FER1L5: variants seen among roughly 807,000 people sequenced by gnomAD.
The protein encoded by FER1L5 is fer-1-like protein 5.
In FER1L5, 187 loss-of-function variants were observed where a neutral mutation model predicts 279.9. That is an observed-to-expected ratio of 0.67 (90% CI 0.59 to 0.75). The LOEUF is 0.75. FER1L5 is among the 30% of genes least tolerant of loss of function. The pLI is 0.00. For synonymous variants in FER1L5, 921 were observed against 989.7 expected (o/e 0.93, Z 1.30); for missense variants, 2,091 against 2,594.4 (o/e 0.81, Z 4.21).
Position 96,704,776 on chromosome 2 carries a change from G to T in FER1L5, c.*84G>T. On this transcript the variant is annotated 3_prime_UTR_variant, in exon 53 of 53. Transcript: ENST00000624922. ...ACCAGTTCTTTGTTTCTATCTTCTA[G>T]AATATATGCAAGATGCTAGGAATAT... 1 of 1,025,256 alleles carries T rather than the reference G, an allele frequency of 9.8e-7. No homozygotes were observed. 63.5% of individuals were successfully genotyped at this position (1,025,256 alleles called of 1,614,324 possible).
At chr2:96,699,898 A>T in intron 43 of FER1L5, 34 bp from the exon 44 acceptor site, 1 of 1,609,858 alleles carries the variant, frequency 6.2e-7, no homozygotes, top group African/African-American at 1.3e-5. Context: ...CAGGACCCAA[A>T]CCTCCAGACC....
chr2:96,670,010 G>C (rs901648991), intron 17 of FER1L5, 109 bp from the exon 18 acceptor site: 2 of 1,425,616 alleles, frequency 1.4e-6, no homozygotes, highest in Admixed American at 2.1e-5. Context: ...AGTAAGCCCC[G>C]GGCAGGCAGT....
rs1191956097 is a variant in FER1L5, at chr2:96,694,220, C to T, written c.3637-140C>T. 1.4e-5 allele frequency: 18 copies of T among 1,322,822 alleles called. No individual in the cohort carries two copies. Among genetic ancestry groups the T allele is most frequent in the Non-Finnish European group, 1.7e-5 (17 of 989,880 alleles). The allele number at this position is 1,322,822 out of a possible 1,614,324, so 81.9% of individuals were successfully genotyped here. ...GTGGGCTTGGTGACGCTGGCCTGAC[C>T]AGCCTCTCCCCTAAGTCCCCCTGCC... On this transcript the variant is annotated intron_variant, in intron 33 of 52. Transcript: ENST00000624922. The surrounding 1 kb of genome is among the most constrained non-coding windows in gnomAD (Gnocchi z 4.6).
chr2:96,695,425 C>T, intron 34 of FER1L5, 84 bp from the exon 35 acceptor site: 1 of 1,473,548 alleles, frequency 6.8e-7, no homozygotes, highest in South Asian at 1.3e-5. Context: ...ACCGCTATTG[C>T]CCCTCAGCCC....
chr2:96,669,094 A>C lies in FER1L5; in HGVS notation c.1319A>C (p.His440Pro), dbSNP rs770994737. Residue 440 changes from histidine to proline, a missense_variant, in exon 17 of 53, where the codon CAT becomes CCT. By Grantham distance (77) the His-to-Pro change is moderately conservative. Coordinates refer to ENST00000624922, the MANE Select transcript of FER1L5 (RefSeq NM_001293083.2). ...PCFGPSFLTL[H>P]GGKKAPFRIQ... is the part of the protein sequence containing the mutation. ...TTTGGCCCCAGCTTCCTGACTCTGC[A>C]TGGGGGTAAAAAGGCCCCTTTCAGG... is the stretch of plus-strand genomic sequence containing the variant. 6.4e-7 allele frequency: 1 copy of C among 1,551,420 alleles called. No individual in the cohort carries two copies. The highest frequency in any genetic ancestry group is 8.7e-7 in the Non-Finnish European group (1 of 1,146,970).
intron 32 of FER1L5, 111 bp downstream of exon 32, chr2:96,693,798 C>T: frequency 6.8e-7 from 1 of 1,471,216 alleles, no homozygotes; most frequent in South Asian, 1.4e-5. Context: ...GCCTGACGTG[C>T]AGACAGCACC....
chr2:96,642,938 G>C lies in FER1L5; in HGVS notation c.85+17G>C, dbSNP rs893128103. 13 of 1,546,956 alleles carry C rather than the reference G, an allele frequency of 8.4e-6. No homozygotes were observed. The African/African-American group carries it at 1.6e-4, about 20-fold the overall frequency. On this transcript the variant is annotated intron_variant, in intron 1 of 52. Coordinates refer to ENST00000624922, the MANE Select transcript of FER1L5 (RefSeq NM_001293083.2). ...ACTTCAGAGGTGAGAGCCTCCCTGG[G>C]TCCACATGGGAGAGAGAAGCCCCCA...
Position 96,665,974 on chromosome 2 carries a change from T to A in FER1L5, c.1140+2467T>A, listed in dbSNP as rs950381847. On this transcript the variant is annotated intron_variant, in intron 14 of 52. Transcript: ENST00000624922. ...GAGGCCTTCCAACATTTGAAGATGT[T>A]CAAACACCCCTGGAACCTCATCCAT... Among the ~76,000 whole-genome samples, 5 of 152,036 alleles carry A rather than the reference T, an allele frequency of 3.3e-5. No homozygotes were observed. In the South Asian group the frequency reaches 6.2e-4, roughly 19 times the overall value.
chr2:96,651,271 C>CTTTA (rs1201952416), intron 6 of FER1L5, among the ~76,000 whole-genome samples: 3 of 150,156 alleles, frequency 2.0e-5, no homozygotes, highest in Non-Finnish European at 4.4e-5. Flanking sequence ...TTCTTTCTTT[C>CTTTA]TTTCTTTCTT....
At chr2:96,692,516 G>A (rs2077192842) in intron 31 of FER1L5, among the ~76,000 whole-genome samples, 1 of 152,232 alleles carries the variant, frequency 6.6e-6, no homozygotes, top group Non-Finnish European at 1.5e-5. Context: ...AGTGGGAGCT[G>A]AGAGGGCTCC....
Position 96,669,091 on chromosome 2 carries a change from T to C in FER1L5, c.1316T>C (p.Leu439Pro). 1 of 1,551,680 alleles carries C rather than the reference T, an allele frequency of 6.4e-7. No homozygotes were observed. ...LPCFGPSFLTLHGGKKAPFRI... is the reference protein window; with the variant it reads ...LPCFGPSFLTPHGGKKAPFRI... ...TGCTTTGGCCCCAGCTTCCTGACTC[T>C]GCATGGGGGTAAAAAGGCCCCTTTC... is the stretch of plus-strand genomic sequence containing the variant. Residue 439 changes from leucine to proline, a missense_variant, in exon 17 of 53, where the codon CTG (leucine) becomes CCG (proline). Leu to Pro is a moderately conservative substitution (Grantham distance 98). Coordinates refer to ENST00000624922, the MANE Select transcript of FER1L5 (RefSeq NM_001293083.2).
chr2:96,643,038 G>A (rs2074952818), intron 1 of FER1L5, 117 bp downstream of exon 1: 1 of 817,506 alleles, frequency 1.2e-6, no homozygotes, highest in Admixed American at 3.4e-5. Flanking sequence ...GTAACACAAA[G>A]TGAAGTAGAC....
At position 96,689,138 on chromosome 2, in the gene FER1L5, G is replaced by C; in HGVS notation, c.2362-75G>C. On this transcript the variant is annotated intron_variant, in intron 24 of 52. Transcript: ENST00000624922. This position sits in a 1 kb window ranked among gnomAD's most constrained non-coding sequence, Gnocchi z 4.6. ...GATGCCCCTGCAGCCCAGAGTCAGG[G>C]GGCCCAGGGGAGGCCCATGTCCCCG... is the stretch of plus-strand genomic sequence containing the variant. The C allele has an allele frequency of 6.8e-7, 1 of 1,474,426 alleles. No homozygotes were observed. The highest frequency in any genetic ancestry group is 1.4e-5 in the South Asian group (1 of 72,884). 91.3% of individuals were successfully genotyped at this position (1,474,426 alleles called of 1,614,324 possible).
At chr2:96,678,962 G>T (rs2076612591) in intron 19 of FER1L5, among the ~76,000 whole-genome samples, 1 of 152,004 alleles carries the variant, frequency 6.6e-6, no homozygotes, top group South Asian at 2.1e-4. Context: ...TTTTTAATTT[G>T]ATAAAATCCA....
chr2:96,686,267 C>T lies in FER1L5; in HGVS notation c.2146C>T (p.Pro716Ser), dbSNP rs927273142. The T allele has an allele frequency of 6.4e-7, 1 of 1,551,520 alleles. No homozygotes were observed. The highest frequency in any genetic ancestry group is 1.4e-5 in the African/African-American group (1 of 73,064). ...GCAGCGAGTGGCCTATGCACAGGTG[C>T]CTGCCCACTCCGTCCTCTTCTCCCC... ...KEQRVAYAQV[P>S]AHSVLFSPAG... The change falls in exon 23 of 53, where the codon CCT (proline) becomes TCT (serine). Residue 716 changes from proline (P) to serine (S), a missense_variant. Physicochemically the swap from Pro to Ser is moderately conservative, Grantham distance 74. Transcript: ENST00000624922.
At chr2:96,647,975 C>A in intron 4 of FER1L5, 89 bp downstream of exon 4, 1 of 1,073,556 alleles carries the variant, frequency 9.3e-7, no homozygotes, top group Non-Finnish European at 1.4e-6. Flanking sequence ...GTGCTTCCTG[C>A]TTGGGGGGCC....
Position 96,689,793 on chromosome 2 carries a change from C to A in FER1L5, c.2640+35C>A. On this transcript the variant is annotated intron_variant, in intron 26 of 52. Coordinates refer to ENST00000624922, the MANE Select transcript of FER1L5 (RefSeq NM_001293083.2). This position sits in a 1 kb window ranked among gnomAD's most constrained non-coding sequence, Gnocchi z 4.6. ...GCCGAAGCTGCCTCGGGTTAGGGGGCAAGCAAGGCCACCAGGCGGGGCGCC... is the reference window on the plus strand; with the variant it reads ...GCCGAAGCTGCCTCGGGTTAGGGGGAAAGCAAGGCCACCAGGCGGGGCGCC... 1 of 1,492,030 alleles carries A rather than the reference C, an allele frequency of 6.7e-7. No individual in the cohort carries two copies. Among genetic ancestry groups the A allele is most frequent in the Non-Finnish European group, 9.0e-7 (1 of 1,110,842 alleles). The allele number at this position is 1,492,030 out of a possible 1,614,324, so 92.4% of individuals were successfully genotyped here.
Position 96,654,914 on chromosome 2 carries a change from A to G in FER1L5, c.747+418A>G, listed in dbSNP as rs1310087937. The G allele has an allele frequency of 5.3e-5, 8 of 152,340 alleles. No homozygotes were observed. In the South Asian group the frequency reaches 1.7e-3, roughly 32 times the overall value. The allele number at this position is 152,340 out of a possible 1,614,324, so 9.4% of individuals were successfully genotyped here. ...ACTCCATCTCAAAAAAAAAAAAAAA[A>G]AAAAGAAGAAGAAAGATCCAGGCTT... On this transcript the variant is annotated intron_variant, in intron 9 of 52. Coordinates refer to ENST00000624922, the MANE Select transcript of FER1L5 (RefSeq NM_001293083.2).
intron 14 of FER1L5, among the ~76,000 whole-genome samples, chr2:96,664,278 A>G (rs2076053654): frequency 6.6e-6 from 1 of 152,160 alleles, no homozygotes; most frequent in Non-Finnish European, 1.5e-5. Flanking sequence ...CAATCAACAT[A>G]ATGAATATAT....
Sources: gnomAD v4.1 joint callset for allele counts (sites outside exome capture counted in the v4.1 genomes callset) on GRCh38, gnomAD v4.1.1 for gene constraint, Gnocchi (gnomAD v3.1) non-coding constraint, MANE v1.5 for transcripts, NCBI Gene and HGNC (gene_info 2026-07-23, HGNC 2026-07-21) for gene names.